Variants in SLC25A13 observed in about 807,000 individuals in gnomAD.
SLC25A13 encodes solute carrier family 25 member 13.
SLC25A13 carries 70 observed loss-of-function variants against 85.5 expected under a neutral mutation model. That is an observed-to-expected ratio of 0.82 (90% CI 0.68 to 1.00). The LOEUF is 1.00. SLC25A13 is among the 50% of genes least tolerant of loss of function. The pLI is 0.00. For synonymous variants in SLC25A13, 259 were observed against 288.7 expected, an observed-to-expected ratio of 0.90 and a Z score of 1.04; for missense variants, 765 against 819.8, an observed-to-expected ratio of 0.93 and a Z score of 0.82.
chr7:96,134,868 T>G (rs1271631407), intron 14 of SLC25A13, among the ~76,000 whole-genome samples: 1 of 145,464 alleles, frequency 6.9e-6, no homozygotes, highest in East Asian at 2.1e-4. Context: ...TAGAAATGGG[T>G]TGTATTTCGT....
chr7:96,283,966 A>G (rs1249456331), intron 2 of SLC25A13, among the ~76,000 whole-genome samples: 2 of 152,188 alleles, frequency 1.3e-5, no homozygotes, highest in African/African-American at 4.8e-5. Flanking sequence ...ATTGCTTACC[A>G]AAAGATGTGA....
At chr7:96,293,196 C>T (rs376627371) in intron 2 of SLC25A13, among the ~76,000 whole-genome samples, 1 of 152,098 alleles carries the variant, frequency 6.6e-6, no homozygotes, top group Non-Finnish European at 1.5e-5. Flanking sequence ...CCCTATTTAA[C>T]AAATGGTACT....
At chr7:96,203,065 T>C (rs552354844) in intron 5 of SLC25A13, among the ~76,000 whole-genome samples, 4 of 152,194 alleles carry the variant, frequency 2.6e-5, no homozygotes, top group Non-Finnish European at 5.9e-5. Context: ...CTTGGTCACG[T>C]TCCTCTCCAT....
chr7:96,198,893 T>C (rs576773477), intron 5 of SLC25A13, among the ~76,000 whole-genome samples: 1 of 152,248 alleles, frequency 6.6e-6, no homozygotes, highest in East Asian at 1.9e-4. Context: ...TTGACCATGA[T>C]GAAAAACCTG....
intron 5 of SLC25A13, among the ~76,000 whole-genome samples, chr7:96,206,637 T>G (rs112159562): frequency 4.9e-4 from 75 of 152,308 alleles, no homozygotes; most frequent in African/African-American, 1.8e-3. Flanking sequence ...TGTAATCTAG[T>G]AAAAGTTCAG....
intron 3 of SLC25A13, among the ~76,000 whole-genome samples, chr7:96,260,072 G>A (rs1168474548): frequency 6.6e-6 from 1 of 151,890 alleles, no homozygotes; most frequent in Non-Finnish European, 1.5e-5. Context: ...GGAGCAAGGG[G>A]AGGGATAGCA....
chr7:96,216,119 C>T (rs1795891191), intron 4 of SLC25A13, among the ~76,000 whole-genome samples: 1 of 151,472 alleles, frequency 6.6e-6, no homozygotes, highest in Non-Finnish European at 1.5e-5. Flanking sequence ...TCATGCCATT[C>T]CATTCCAGCC....
At chr7:96,255,017 T>C (rs978470347) in intron 3 of SLC25A13, among the ~76,000 whole-genome samples, 1 of 152,064 alleles carries the variant, frequency 6.6e-6, no homozygotes, top group African/African-American at 2.4e-5. Context: ...ACTGAAAAAA[T>C]GAACCTCCCT....
At chr7:96,314,349 G>A (rs1800055543) in intron 1 of SLC25A13, among the ~76,000 whole-genome samples, 2 of 152,130 alleles carry the variant, frequency 1.3e-5, no homozygotes, top group African/African-American at 2.4e-5. Flanking sequence ...ACTTTTAGGA[G>A]AAGGACATTT....
intron 11 of SLC25A13, among the ~76,000 whole-genome samples, chr7:96,175,640 A>T (rs1794190763): frequency 6.6e-6 from 1 of 152,224 alleles, no homozygotes. Context: ...GGTACGCTGC[A>T]CAACTTCTCT....
At chr7:96,190,980 C>T (rs1269185816) in intron 7 of SLC25A13, 129 bp downstream of exon 7, 3 of 1,156,654 alleles carry the variant, frequency 2.6e-6, no homozygotes, top group Non-Finnish European at 2.6e-6. Context: ...GGATGAAAAA[C>T]ACACGTTATC....
At chr7:96,211,971 G>A (rs943411376) in intron 4 of SLC25A13, among the ~76,000 whole-genome samples, 3 of 152,216 alleles carry the variant, frequency 2.0e-5, no homozygotes, top group Non-Finnish European at 4.4e-5. Flanking sequence ...AGGGAGTATG[G>A]AAGGGTTAGA....
At chr7:96,182,898 C>T (rs934207433) in intron 11 of SLC25A13, among the ~76,000 whole-genome samples, 2 of 152,174 alleles carry the variant, frequency 1.3e-5, no homozygotes, top group African/African-American at 4.8e-5. Context: ...CAGATGTCTG[C>T]CCAGACTTGA....
At chr7:96,286,695 G>A (rs893556632) in intron 2 of SLC25A13, among the ~76,000 whole-genome samples, 3 of 152,144 alleles carry the variant, frequency 2.0e-5, no homozygotes, top group African/African-American at 7.2e-5. Context: ...CAGGAGCCAT[G>A]ATGTATGCAT....
At chr7:96,136,224 G>A (rs1242097341) in intron 14 of SLC25A13, among the ~76,000 whole-genome samples, 1 of 152,020 alleles carries the variant, frequency 6.6e-6, no homozygotes, top group Non-Finnish European at 1.5e-5. Flanking sequence ...TTAAGGGTAG[G>A]CCTCACTTAA....
intron 4 of SLC25A13, among the ~76,000 whole-genome samples, chr7:96,216,223 A>G (rs1323610773): frequency 6.6e-6 from 1 of 152,152 alleles, no homozygotes; most frequent in Non-Finnish European, 1.5e-5. Flanking sequence ...ACCACTCAGA[A>G]TGGTTATTAA....
chr7:96,247,632 T>A (rs771156559), intron 3 of SLC25A13, among the ~76,000 whole-genome samples: 3 of 152,078 alleles, frequency 2.0e-5, no homozygotes, highest in Non-Finnish European at 4.4e-5. Context: ...AAGAATAAGG[T>A]GCTTAAAAAT....
rs1042020549 is a variant in SLC25A13 at position 96,132,924 on chromosome 7, T to A, written c.1453-1043A>T. On this transcript the variant is annotated intron_variant, in intron 14 of 17. Transcript: ENST00000265631. The stretch of plus-strand genomic sequence containing the variant: ...ATTTAACACTATGTATCTGTTACTA[T>A]AGCCTTTGTTTTCCTGACACGCACA... 4.6e-5 allele frequency among the ~76,000 whole-genome samples: 7 copies of A among 152,232 alleles called. No homozygotes were observed. In the South Asian group the frequency reaches 1.4e-3, roughly 32 times the overall value.
At chr7:96,314,779 C>T (rs551441804) in intron 1 of SLC25A13, among the ~76,000 whole-genome samples, 7 of 152,314 alleles carry the variant, frequency 4.6e-5, no homozygotes, top group East Asian at 3.9e-4. Context: ...CAGAGCTCCT[C>T]GGACAATCTT....
Sources: allele counts gnomAD v4.1 joint callset (sites outside exome capture counted in the v4.1 genomes callset), GRCh38; gene constraint gnomAD v4.1.1; transcripts MANE v1.5; gene names NCBI Gene and HGNC (gene_info 2026-07-23, HGNC 2026-07-21).